SS18: variants seen among roughly 807,000 people sequenced by gnomAD.
The protein encoded by SS18 is protein SSXT.
Under a neutral mutation model 72.5 loss-of-function variants are expected in SS18, and 28 were observed. The observed-to-expected ratio is 0.39, with a 90% confidence interval of 0.29 to 0.53. SS18 has a LOEUF of 0.53. Among genes scored for constraint, SS18 ranks in the 20% least tolerant of loss-of-function variants. The probability of loss-of-function intolerance (pLI) is 0.76; values close to 1 mark genes in which losing one functional copy is unlikely to be tolerated. For missense variants in SS18, 518 were observed against 535.3 expected (o/e 0.97, Z 0.32); for synonymous variants, 172 against 164.2 (o/e 1.05, Z -0.37).
chr18:26,027,724 C>A (rs2053475693), intron 10 of SS18, among the ~76,000 whole-genome samples: 1 of 125,366 alleles, frequency 8.0e-6, no homozygotes. Context: ...ACAAATGACT[C>A]TGAGAAAATT....
chr18:26,049,549 G>C (rs543964687), intron 5 of SS18, among the ~76,000 whole-genome samples: 1 of 152,248 alleles, frequency 6.6e-6, no homozygotes, highest in African/African-American at 2.4e-5. Flanking sequence ...GTCTTGCTCT[G>C]TCACCCAAGC....
chr18:26,038,028 T>C (rs2053654888), intron 7 of SS18, among the ~76,000 whole-genome samples: 1 of 152,174 alleles, frequency 6.6e-6, no homozygotes, highest in Non-Finnish European at 1.5e-5. Context: ...ATGGCTATAT[T>C]ATGGATATAA....
chr18:26,031,227 G>A (rs536064024), intron 10 of SS18, among the ~76,000 whole-genome samples: 1 of 152,228 alleles, frequency 6.6e-6, no homozygotes, highest in Admixed American at 6.5e-5. Flanking sequence ...TTTTGTTTGA[G>A]GATATTTTTG....
rs555169626 is a variant in SS18 at position 26,056,153 on chromosome 18, C to T, written c.385+1436G>A. Among the ~76,000 whole-genome samples the T allele has an allele frequency of 5.3e-5, 8 of 152,296 alleles. No individual in the cohort carries two copies. In the South Asian group the frequency reaches 1.7e-3, roughly 32 times the overall value. On this transcript the variant is annotated intron_variant, in intron 4 of 10. Coordinates refer to ENST00000415083, the MANE Select transcript of SS18 (RefSeq NM_001007559.3). ...AATAACTAGCTTATAAAAGAATATA[C>T]TTCAGAAGGCCTTACACAAAACCAA...
At chr18:26,059,548 A>G (rs1198230176) in intron 3 of SS18, among the ~76,000 whole-genome samples, 1 of 152,204 alleles carries the variant, frequency 6.6e-6, no homozygotes, top group Non-Finnish European at 1.5e-5. Flanking sequence ...CAAAGACTGG[A>G]GTGTAGGCCC....
chr18:26,057,778 G>C, intron 3 of SS18, 36 bp from the exon 4 acceptor site: 1 of 1,560,340 alleles, frequency 6.4e-7, no homozygotes. Context: ...AAGAGAAACA[G>C]ACTAATATAC....
chr18:26,085,151 A>T (rs2054594804), intron 2 of SS18, among the ~76,000 whole-genome samples: 1 of 152,212 alleles, frequency 6.6e-6, no homozygotes, highest in South Asian at 2.1e-4. Flanking sequence ...TCTTTGAAAC[A>T]TTTTTGTAAG....
chr18:26,090,665 G>T (rs1424687377), upstream of SS18: 7 of 1,294,652 alleles, frequency 5.4e-6, no homozygotes, highest in Non-Finnish European at 7.5e-6. Flanking sequence ...ACCACCTCGG[G>T]AATGCGGGGA....
chr18:26,062,492 AGAAAG>A (rs2054141332), intron 3 of SS18, among the ~76,000 whole-genome samples: 1 of 152,202 alleles, frequency 6.6e-6, no homozygotes, highest in South Asian at 2.1e-4. Flanking sequence ...GCTTGATTAA[AGAAAG>A]GAACAAATAG....
chr18:26,068,464 A>T (rs1270435375), intron 3 of SS18: 1 of 152,204 alleles, frequency 6.6e-6, no homozygotes, highest in Non-Finnish European at 1.5e-5. Flanking sequence ...TATGCTAAAA[A>T]TTTAGTAAAT....
At chr18:26,081,677 T>G (rs2054525907) in intron 2 of SS18, among the ~76,000 whole-genome samples, 1 of 151,408 alleles carries the variant, frequency 6.6e-6, no homozygotes, top group Non-Finnish European at 1.5e-5. Context: ...AAATATATTT[T>G]CCTCAGAAAC....
chr18:26,019,994 A>C (rs986823749), intron 10 of SS18, among the ~76,000 whole-genome samples: 1 of 152,124 alleles, frequency 6.6e-6, no homozygotes, highest in Non-Finnish European at 1.5e-5. Context: ...AATGTTGATA[A>C]ACTGATGAAG....
intron 10 of SS18, among the ~76,000 whole-genome samples, chr18:26,031,069 A>G (rs2053535437): frequency 6.6e-6 from 1 of 152,192 alleles, no homozygotes; most frequent in Non-Finnish European, 1.5e-5. Flanking sequence ...GATGGAATAC[A>G]TGGACAGAAT....
At chr18:26,090,647 C>A (rs2054711477), upstream of SS18, 4 of 1,422,692 alleles carry the variant, frequency 2.8e-6, no homozygotes, top group Admixed American at 6.0e-5. Context: ...GCCGGCCTCT[C>A]GGGCTGAACC....
At position 26,029,471 on chromosome 18, in the gene SS18, G is replaced by A. The variant is rs186348475; in HGVS notation, c.1230+2928C>T. ...AGTGCTAGTTGTGACTTTTGACTTGGGTGAAAGGAGACTGTGAAAAATGGC... is the reference window on the plus strand; with the variant it reads ...AGTGCTAGTTGTGACTTTTGACTTGAGTGAAAGGAGACTGTGAAAAATGGC... On this transcript the variant is annotated intron_variant, in intron 10 of 10. Transcript: ENST00000415083. Among the ~76,000 whole-genome samples the A allele has an allele frequency of 1.3e-3, 197 of 152,262 alleles. 1 individual carries two copies. The highest frequency in any genetic ancestry group is 4.2e-3 in the African/African-American group (176 of 41,554).
chr18:26,056,706 G>C (rs1255240119), intron 4 of SS18, among the ~76,000 whole-genome samples: 1 of 152,140 alleles, frequency 6.6e-6, no homozygotes, highest in African/African-American at 2.4e-5. Flanking sequence ...TAATTGTTCT[G>C]TTATTTTATT....
chr18:26,045,346 A>G (rs2053801896), intron 5 of SS18, among the ~76,000 whole-genome samples: 1 of 151,990 alleles, frequency 6.6e-6, no homozygotes. Flanking sequence ...CTTGGACCTT[A>G]TTTCTTATGA....
At chr18:26,065,590 T>G (rs2054197555) in intron 3 of SS18, among the ~76,000 whole-genome samples, 1 of 151,758 alleles carries the variant, frequency 6.6e-6, no homozygotes, top group Admixed American at 6.6e-5. Context: ...CTTCATATTA[T>G]CATGACTATG....
At position 26,076,101 on chromosome 18, in the gene SS18, G is replaced by A. The variant is rs544095035; in HGVS notation, c.231+1975C>T. ...AAATGAAAATATATGCAATGCTCAC[G>A]ATTTGGAAAACTCAATTTTGTAAAG... On this transcript the variant is annotated intron_variant, in intron 3 of 10. Coordinates refer to ENST00000415083, the MANE Select transcript of SS18 (RefSeq NM_001007559.3). Among the ~76,000 whole-genome samples, 16 of 151,942 alleles carry A rather than the reference G, an allele frequency of 1.1e-4. No homozygotes were observed. In the South Asian group the frequency reaches 1.9e-3, roughly 18 times the overall value.
Sources: gnomAD v4.1 joint callset for allele counts (sites outside exome capture counted in the v4.1 genomes callset) on GRCh38, gnomAD v4.1.1 for gene constraint, MANE v1.5 for transcripts, NCBI Gene and HGNC (gene_info 2026-07-23, HGNC 2026-07-21) for gene names.